Variants in PIAS2 observed in about 807,000 individuals in gnomAD.
PIAS2 encodes E3 SUMO-protein ligase PIAS2.
A neutral mutation model predicts 69.7 loss-of-function variants in PIAS2; 19 were observed. The ratio of observed to expected loss-of-function variants is 0.27; its 90% CI spans 0.19 to 0.40. The LOEUF (loss-of-function observed/expected upper bound fraction) is 0.40. PIAS2 is among the 10% of genes least tolerant of loss of function. The pLI is 1.00. For missense variants in PIAS2, 624 were observed against 757.0 expected (o/e 0.82, Z 2.06); for synonymous variants, 261 against 263.2 (o/e 0.99, Z 0.08).
chr18:46,892,281 G>T (rs1598895405), intron 1 of PIAS2, among the ~76,000 whole-genome samples: 2 of 152,164 alleles, frequency 1.3e-5, no homozygotes, highest in Admixed American at 6.5e-5. Flanking sequence ...AATGCAAACA[G>T]ATTTAAATAT....
At chr18:46,846,082 A>C (rs2046129083) in intron 6 of PIAS2, among the ~76,000 whole-genome samples, 1 of 152,216 alleles carries the variant, frequency 6.6e-6, no homozygotes, top group South Asian at 2.1e-4. Context: ...CTTTCCATTC[A>C]TTATTTCAGT....
chr18:46,830,125 A>G (rs2144974278), intron 9 of PIAS2, among the ~76,000 whole-genome samples: 1 of 152,298 alleles, frequency 6.6e-6, no homozygotes, highest in South Asian at 2.1e-4. Flanking sequence ...ATGGCTAGAG[A>G]GAAGTAGATA....
chr18:46,811,994 T>A lies in PIAS2; in HGVS notation c.*439A>T, dbSNP rs892195262. On this transcript the variant is annotated 3_prime_UTR_variant, in exon 14 of 14. Transcript: ENST00000585916. ...GCAAACATTAAGTTCTTTCCATATA[T>A]TTTTTTTCCTTCACGTAAGGTTAAA... 3.3e-5 allele frequency: 5 copies of A among 153,092 alleles called. No individual in the cohort carries two copies. The highest frequency in any genetic ancestry group is 1.2e-4 in the African/African-American group (5 of 41,426). The allele number at this position is 153,092 out of a possible 1,614,324, so 9.5% of individuals were successfully genotyped here. A position where few individuals can be genotyped will look rare whatever the true frequency, so the allele number is the denominator to read the frequency against.
Position 46,806,963 on chromosome 18 carries a change from T to C in PIAS2, c.*5470A>G, listed in dbSNP as rs919700775. 1 of 152,106 alleles carries C rather than the reference T, an allele frequency of 6.6e-6. No individual in the cohort carries two copies. Among genetic ancestry groups the C allele is most frequent in the Admixed American group, 6.5e-5 (1 of 15,270 alleles). The allele number at this position is 152,106 out of a possible 1,614,324, so 9.4% of individuals were successfully genotyped here. On this transcript the variant is annotated 3_prime_UTR_variant, in exon 14 of 14. Transcript: ENST00000585916. ...ATGTTGTACCTCAAACATCTGAAGGTAGCAATCTGTTTTTTTCTTTCCCTG... is the reference window on the plus strand; with the variant it reads ...ATGTTGTACCTCAAACATCTGAAGGCAGCAATCTGTTTTTTTCTTTCCCTG...
At chr18:46,893,689 C>T (rs2054411627) in intron 1 of PIAS2, among the ~76,000 whole-genome samples, 1 of 152,150 alleles carries the variant, frequency 6.6e-6, no homozygotes, top group African/African-American at 2.4e-5. Flanking sequence ...GTAATTAAGT[C>T]AACAGGGCCC....
intron 1 of PIAS2, among the ~76,000 whole-genome samples, chr18:46,911,239 G>A (rs568287353): frequency 2.6e-4 from 37 of 144,446 alleles, no homozygotes; most frequent in Non-Finnish European, 4.7e-4. Flanking sequence ...TTCCTGAGAC[G>A]AAGCCTTGCT....
chr18:46,871,958 G>A (rs1195966287), intron 2 of PIAS2, among the ~76,000 whole-genome samples: 1 of 152,196 alleles, frequency 6.6e-6, no homozygotes, highest in African/African-American at 2.4e-5. Context: ...GTATGGGCGA[G>A]AGAAGGAAAT....
chr18:46,811,561 C>T lies in PIAS2; in HGVS notation c.*872G>A, dbSNP rs989432386. 6.6e-6 allele frequency: 1 copy of T among 152,156 alleles called. No individual in the cohort carries two copies. Among genetic ancestry groups the T allele is most frequent in the African/African-American group, 2.4e-5 (1 of 41,418 alleles). The allele number at this position is 152,156 out of a possible 1,614,324, so 9.4% of individuals were successfully genotyped here. A position where few individuals can be genotyped will look rare whatever the true frequency, so the allele number is the denominator to read the frequency against. ...GTGAACAAATTTCTAACAAACATTC[C>T]AGTCACACCGTACCCCAAAGACATT... On this transcript the variant is annotated 3_prime_UTR_variant, in exon 14 of 14. Transcript: ENST00000585916.
intron 8 of PIAS2, among the ~76,000 whole-genome samples, chr18:46,839,195 T>A (rs1056737742): frequency 1.3e-5 from 2 of 152,184 alleles, no homozygotes; most frequent in Non-Finnish European, 2.9e-5. Context: ...AACTTATTAT[T>A]AAATTACACT....
chr18:46,863,039 G>A (rs2048910306), intron 3 of PIAS2, among the ~76,000 whole-genome samples: 1 of 152,026 alleles, frequency 6.6e-6, no homozygotes, highest in Non-Finnish European at 1.5e-5. Flanking sequence ...AAAATTAAAT[G>A]CTACAGATTT....
At chr18:46,864,044 G>T in intron 3 of PIAS2, 120 bp downstream of exon 3, 1 of 559,016 alleles carries the variant, frequency 1.8e-6, no homozygotes. Context: ...GAAGCCTCCA[G>T]CATTTTGAAA....
chr18:46,872,430 T>C (rs957972494), intron 2 of PIAS2, among the ~76,000 whole-genome samples: 3 of 152,204 alleles, frequency 2.0e-5, no homozygotes, highest in Non-Finnish European at 4.4e-5. Flanking sequence ...AGTTTAGAGA[T>C]TCACCTAACC....
intron 2 of PIAS2, among the ~76,000 whole-genome samples, chr18:46,875,444 A>G (rs2145778737): frequency 6.6e-6 from 1 of 152,270 alleles, no homozygotes; most frequent in South Asian, 2.1e-4. Context: ...ATAATCCCCA[A>G]ACAATGGCCC....
intron 1 of PIAS2, among the ~76,000 whole-genome samples, chr18:46,912,176 A>T (rs879551566): frequency 6.6e-6 from 1 of 152,192 alleles, no homozygotes; most frequent in Non-Finnish European, 1.5e-5. Context: ...AAGACCAGGA[A>T]GTGAGGAAAT....
intron 5 of PIAS2, among the ~76,000 whole-genome samples, chr18:46,847,750 G>C (rs1407244481): frequency 6.6e-6 from 1 of 152,274 alleles, no homozygotes; most frequent in South Asian, 2.1e-4. Flanking sequence ...CCAAAGTGCT[G>C]GGATTACAGG....
At chr18:46,834,774 C>A (rs1203716503) in intron 9 of PIAS2, among the ~76,000 whole-genome samples, 1 of 152,144 alleles carries the variant, frequency 6.6e-6, no homozygotes. Flanking sequence ...GCCACCACAC[C>A]CAAGAGTAGA....
chr18:46,888,285 G>GA (rs1273223835), intron 2 of PIAS2, among the ~76,000 whole-genome samples: 1 of 151,640 alleles, frequency 6.6e-6, no homozygotes, highest in Non-Finnish European at 1.5e-5. Flanking sequence ...TGTGGGAAAA[G>GA]AAAGACTTAA....
At chr18:46,876,281 A>G (rs755570608) in intron 2 of PIAS2, among the ~76,000 whole-genome samples, 1 of 152,230 alleles carries the variant, frequency 6.6e-6, no homozygotes, top group Non-Finnish European at 1.5e-5. Flanking sequence ...CCTCACGTTT[A>G]TATAGATGCC....
chr18:46,919,060 T>C (rs529676767), upstream of PIAS2, among the ~76,000 whole-genome samples: 12 of 151,402 alleles, frequency 7.9e-5, no homozygotes, highest in South Asian at 2.3e-3. Flanking sequence ...CACACACACA[T>C]ATTGTTTTGG....
Sources: gnomAD v4.1 joint callset for allele counts (sites outside exome capture counted in the v4.1 genomes callset) on GRCh38, gnomAD v4.1.1 for gene constraint, MANE v1.5 for transcripts, NCBI Gene and HGNC (gene_info 2026-07-23, HGNC 2026-07-21) for gene names.